The following DCTN1 variants were observed in gnomAD, a reference collection of about 807,000 sequenced individuals.
DCTN1 encodes the protein dynactin subunit 1, also known as 150 kDa dynein-associated polypeptide.
Under a neutral mutation model 161.2 loss-of-function variants are expected in DCTN1, and 61 were observed. The ratio of observed to expected loss-of-function variants is 0.38; its 90% CI spans 0.31 to 0.47. DCTN1 has a LOEUF of 0.47. Ranked by LOEUF, DCTN1 falls within the 20% of genes least tolerant of loss-of-function variation. The pLI, the probability that DCTN1 is intolerant of heterozygous loss-of-function variation, is 0.99. For missense variants in DCTN1, 1,404 were observed against 1,623.7 expected, an observed-to-expected ratio of 0.86 and a Z score of 2.33; for synonymous variants, 653 against 632.4, an observed-to-expected ratio of 1.03 and a Z score of -0.49.
intron 6 of DCTN1, chr2:74,373,518 C>T (rs1436839143): frequency 5.5e-6 from 1 of 182,454 alleles, no homozygotes; most frequent in Non-Finnish European, 1.2e-5. Context: ...TCCCCAGAAC[C>T]AGATCCTGCA....
intron 5 of DCTN1, 88 bp downstream of exon 5, chr2:74,376,654 T>G: frequency 7.7e-7 from 1 of 1,290,504 alleles, no homozygotes; most frequent in South Asian, 1.3e-5. Context: ...CACACACACA[T>G]GCATGCAGCA....
chr2:74,388,401 A>G (rs1675839283), intron 1 of DCTN1, among the ~76,000 whole-genome samples: 1 of 152,070 alleles, frequency 6.6e-6, no homozygotes, highest in Admixed American at 6.5e-5. Flanking sequence ...AAATAAAACA[A>G]CATGGCTTCA....
At chr2:74,374,843 T>G in intron 5 of DCTN1, 1 of 780,712 alleles carries the variant, frequency 1.3e-6, no homozygotes, top group Non-Finnish European at 1.6e-6. Flanking sequence ...AGGTTTTGGC[T>G]CCTCTCTTCC....
rs1675325998 is a variant in DCTN1 at position 74,378,009 on chromosome 2, G to A, written c.270C>T (p.Arg90=). ...AGAAGGGCGTGAATACCTGGGACTG[G>A]CGCACAAAGATGCCATGCCCTTCAT... ...TCDEGHGIFV[R]QSQIQVFEDG... Residue 90 remains arginine, a synonymous_variant, in exon 2 of 32, where the codon CGC becomes CGT. Transcript: ENST00000628224. The A allele has an allele frequency of 1.9e-6, 3 of 1,614,216 alleles. No individual in the cohort carries two copies. Among genetic ancestry groups the A allele is most frequent in the Non-Finnish European group, 1.7e-6 (2 of 1,180,022 alleles).
In DCTN1 at chr2:74,366,609, C is replaced by G; in HGVS notation, c.2478G>C (p.Thr826=). The change falls in exon 22 of 32, where the codon ACG becomes ACC. Residue 826 remains threonine, a synonymous_variant. Coordinates refer to ENST00000628224, the MANE Select transcript of DCTN1 (RefSeq NM_004082.5). ...ALAFGPQVSD[T]LLDCRKHLTW... ...TCAAGTGTTTCCTGCAGTCTAGGAG[C>G]GTGTCAGATACCTGTGTGCCAGGCC... is the stretch of plus-strand genomic sequence containing the variant. 6.2e-7 allele frequency: 1 copy of G among 1,612,316 alleles called. No homozygotes were observed. The highest frequency in any genetic ancestry group is 8.5e-7 in the Non-Finnish European group (1 of 1,180,026).
chr2:74,377,515 G>A (rs749007589), intron 3 of DCTN1, 49 bp from the exon 4 acceptor site: 5 of 1,568,296 alleles, frequency 3.2e-6, no homozygotes, highest in Admixed American at 1.7e-5. Context: ...AGAGAGGTAG[G>A]GGGAGATATA....
At chr2:74,391,696 C>T (rs1197542919) in intron 1 of DCTN1, 1 of 419,194 alleles carries the variant, frequency 2.4e-6, no homozygotes, top group East Asian at 7.3e-5. Flanking sequence ...CAGTCCCCGC[C>T]CCGCACACCG....
intron 26 of DCTN1, 138 bp from the exon 27 acceptor site, chr2:74,363,766 T>G: frequency 2.6e-6 from 3 of 1,160,296 alleles, no homozygotes; most frequent in African/African-American, 1.5e-5. Context: ...ATACTTTCTC[T>G]AACAAGACTC....
intron 1 of DCTN1, among the ~76,000 whole-genome samples, chr2:74,387,508 C>CA (rs371351843): frequency 6.6e-6 from 1 of 151,842 alleles, no homozygotes; most frequent in Non-Finnish European, 1.5e-5. Flanking sequence ...AACAAACAAA[C>CA]AAAAAAAAGT....
Position 74,366,929 on chromosome 2 carries a change from C to T in DCTN1, c.2320G>A (p.Gly774Arg), listed in dbSNP as rs1387532994. 1.9e-6 allele frequency: 3 copies of T among 1,614,092 alleles called. No individual in the cohort carries two copies. Among genetic ancestry groups the T allele is most frequent in the African/African-American group, 1.3e-5 (1 of 74,932 alleles). Residue 774 changes from glycine to arginine, a missense_variant, in exon 21 of 32, where the codon GGG becomes AGG. Around this residue, in one of 9 missense-constraint regions of DCTN1, gnomAD observed 475 missense variants for 489.8 expected, o/e 0.97. Coordinates refer to ENST00000628224, the MANE Select transcript of DCTN1 (RefSeq NM_004082.5). ...AGGGCAATATCTGTAGCCTCCTGCC[C>T]ACCCTACTCAGGAAAAAGAAAATGG... ...VGRLRAFLQG[G>R]QEATDIALLL...
intron 25 of DCTN1, 71 bp downstream of exon 25, chr2:74,365,444 T>C (rs1558935271): frequency 5.0e-6 from 8 of 1,610,020 alleles, no homozygotes; most frequent in South Asian, 1.1e-5. Flanking sequence ...AGTAGGGGTA[T>C]GGGTTAGGAG....
At chr2:74,374,190 C>T (rs1480909668) in intron 6 of DCTN1, 133 bp downstream of exon 6, 1 of 918,466 alleles carries the variant, frequency 1.1e-6, no homozygotes, top group South Asian at 1.4e-5. Flanking sequence ...CTCTCCCTAA[C>T]CCACCTTCGT....
In DCTN1 at chr2:74,361,381, C is replaced by T. The variant is rs746727753; in HGVS notation, c.*118G>A. Reference sequence around the variant, plus strand: ...CTGAAAGGGTGGGAGTGAAGCTGAACGGGGCAGGAAGAGCTTAACCCACGT... The same window carrying T: ...CTGAAAGGGTGGGAGTGAAGCTGAATGGGGCAGGAAGAGCTTAACCCACGT... On this transcript the variant is annotated 3_prime_UTR_variant, in exon 32 of 32. Transcript: ENST00000628224. The T allele has an allele frequency of 1.9e-5, 27 of 1,436,828 alleles. No homozygotes were observed. Among genetic ancestry groups the T allele is most frequent in the African/African-American group, 5.6e-5 (4 of 71,478 alleles). The allele number at this position is 1,436,828 out of a possible 1,614,324, so 89.0% of individuals were successfully genotyped here.
chr2:74,371,940 G>A, intron 7 of DCTN1: 1 of 572,282 alleles, frequency 1.7e-6, no homozygotes, highest in South Asian at 2.1e-5. Flanking sequence ...AAGGACAGGG[G>A]GAGGATGGAG....
rs1485769288 is a variant in DCTN1, at chr2:74,362,700, C to G, written c.3559G>C (p.Glu1187Gln). The change falls in exon 30 of 32, where the codon GAG becomes CAG. Residue 1187 changes from glutamate to glutamine, a missense_variant. Glu to Gln is a conservative substitution (Grantham distance 29). This residue lies in a region of DCTN1 where 311 missense variants were observed against 298.9 expected (regional missense o/e 1.04). Coordinates refer to ENST00000628224, the MANE Select transcript of DCTN1 (RefSeq NM_004082.5). ...AAKSPSAQLM[E>Q]QVAQLKSLSD... ...AGGGACTTAAGCTGAGCCACTTGCT[C>G]CATAAGTTGGGCCGACGGGCTCTTG... 2 of 1,614,046 alleles carry G rather than the reference C, an allele frequency of 1.2e-6. No individual in the cohort carries two copies. The highest frequency in any genetic ancestry group is 8.5e-7 in the Non-Finnish European group (1 of 1,180,004).
At chr2:74,365,263 T>C (rs938991523) in intron 25 of DCTN1, 22 bp from the exon 26 acceptor site, 11 of 1,613,822 alleles carry the variant, frequency 6.8e-6, no homozygotes, top group Non-Finnish European at 9.3e-6. Context: ...AATCTGGGCT[T>C]TGGCAGTGTC....
intron 15 of DCTN1, 54 bp from the exon 16 acceptor site, chr2:74,368,934 A>T: frequency 6.2e-7 from 1 of 1,608,188 alleles, no homozygotes; most frequent in Non-Finnish European, 8.5e-7. Context: ...GAGCCCCAAA[A>T]TTCCCATGCC....
intron 1 of DCTN1, among the ~76,000 whole-genome samples, chr2:74,379,365 C>G (rs1675403485): frequency 6.6e-6 from 1 of 152,144 alleles, no homozygotes; most frequent in African/African-American, 2.4e-5. Flanking sequence ...CCTGGCAGAG[C>G]CAGGGAAGAG....
chr2:74,367,993 C>T lies in DCTN1; in HGVS notation c.1993G>A (p.Ala665Thr). The T allele has an allele frequency of 6.2e-7, 1 of 1,614,216 alleles. No individual in the cohort carries two copies. The highest frequency in any genetic ancestry group is 8.5e-7 in the Non-Finnish European group (1 of 1,180,034). The stretch of plus-strand genomic sequence containing the variant: ...TACTGCTCATAGCGGTGTAGCGTGG[C>T]CTGCAGCAGGCTCAGCGAGTACACC... ...GLVYSLSLLQ[A>T]TLHRYEHALS... Residue 665 changes from alanine (A) to threonine (T), a missense_variant, in exon 17 of 32, where the codon GCC becomes ACC. Around this residue, in one of 9 missense-constraint regions of DCTN1, gnomAD observed 475 missense variants for 489.8 expected, o/e 0.97. Transcript: ENST00000628224.
Sources: allele counts gnomAD v4.1 joint callset (sites outside exome capture counted in the v4.1 genomes callset), GRCh38; gene constraint gnomAD v4.1.1; regional missense constraint gnomAD v4.1.1; transcripts MANE v1.5; gene names NCBI Gene and HGNC (gene_info 2026-07-23, HGNC 2026-07-21).